EYS: variants seen among roughly 807,000 people sequenced by gnomAD.
EYS encodes the protein EGF-like photoreceptor maintenance factor.
Under a neutral mutation model 282.1 loss-of-function variants are expected in EYS, and 250 were observed. The ratio of observed to expected loss-of-function variants is 0.89; its 90% CI spans 0.80 to 0.98. The LOEUF (loss-of-function observed/expected upper bound fraction) is 0.98, where lower values mean the gene tolerates loss of function less well. Ranked by LOEUF, EYS falls within the 50% of genes least tolerant of loss-of-function variation. The pLI is 0.00. For missense variants in EYS, 4,016 were observed against 3,709.0 expected (o/e 1.08, Z -2.15); for synonymous variants, 1,355 against 1,282.9 (o/e 1.06, Z -1.20).
At chr6:64,399,675 C>A (rs923288319) in intron 28 of EYS, among the ~76,000 whole-genome samples, 1 of 151,826 alleles carries the variant, frequency 6.6e-6, no homozygotes, top group African/African-American at 2.4e-5. Context: ...TAAGCCAATT[C>A]CTTGAAATAA....
intron 31 of EYS, among the ~76,000 whole-genome samples, chr6:64,182,848 A>G (rs1310771674): frequency 1.3e-5 from 2 of 150,800 alleles, no homozygotes; most frequent in African/African-American, 4.9e-5. Flanking sequence ...CTTCCACCCT[A>G]CTCCTGTCTA....
At chr6:63,975,689 C>G (rs1012317364) in intron 35 of EYS, among the ~76,000 whole-genome samples, 3 of 151,930 alleles carry the variant, frequency 2.0e-5, no homozygotes, top group African/African-American at 7.2e-5. Context: ...GTCTGGTGTT[C>G]AGAAAAGATT....
intron 22 of EYS, among the ~76,000 whole-genome samples, chr6:64,762,578 T>C (rs1773193877): frequency 6.6e-6 from 1 of 152,210 alleles, no homozygotes; most frequent in Non-Finnish European, 1.5e-5. Context: ...TTCTGTTGTA[T>C]TTCTTGCTTT....
intron 12 of EYS, among the ~76,000 whole-genome samples, chr6:65,289,372 T>C (rs924038171): frequency 4.6e-5 from 7 of 151,184 alleles, no homozygotes; most frequent in Middle Eastern, 6.8e-3. Flanking sequence ...AAATGTTATA[T>C]AGTCAAATTT....
At chr6:64,828,890 A>G (rs1765135979) in intron 19 of EYS, among the ~76,000 whole-genome samples, 1 of 151,996 alleles carries the variant, frequency 6.6e-6, no homozygotes, top group South Asian at 2.1e-4. Context: ...GACTTGGTAT[A>G]TGGGTATAAA....
intron 30 of EYS, among the ~76,000 whole-genome samples, chr6:64,296,602 T>A (rs1200034512): frequency 3.5e-3 from 32 of 9,020 alleles, no homozygotes; most frequent in South Asian, 5.2e-3. Context: ...ATATATATTT[T>A]TTTTTTTTTT....
At chr6:65,540,166 C>A (rs1331203159) in intron 2 of EYS, among the ~76,000 whole-genome samples, 1 of 152,190 alleles carries the variant, frequency 6.6e-6, no homozygotes, top group African/African-American at 2.4e-5. Context: ...TGGAAGTTTT[C>A]TGTCCCCAGC....
intron 22 of EYS, among the ~76,000 whole-genome samples, chr6:64,632,153 A>C (rs1257142157): frequency 1.3e-5 from 2 of 152,106 alleles, no homozygotes; most frequent in Non-Finnish European, 2.9e-5. Flanking sequence ...AACTTCACTG[A>C]AGCCAAGATT....
chr6:64,014,389 A>T (rs1259056751), intron 33 of EYS, among the ~76,000 whole-genome samples: 2 of 152,026 alleles, frequency 1.3e-5, no homozygotes, highest in Non-Finnish European at 2.9e-5. Flanking sequence ...TTCTAATAAT[A>T]CTTCAGTTTC....
intron 34 of EYS, among the ~76,000 whole-genome samples, chr6:63,986,666 T>A (rs748792564): frequency 4.6e-5 from 7 of 151,724 alleles, no homozygotes; most frequent in Non-Finnish European, 1.0e-4. Flanking sequence ...CTCAGCAAAC[T>A]AATGAAGGAT....
intron 5 of EYS, among the ~76,000 whole-genome samples, chr6:65,474,653 A>G (rs1347590258): frequency 6.6e-6 from 1 of 152,166 alleles, no homozygotes; most frequent in Non-Finnish European, 1.5e-5. Context: ...CAGATTTGGG[A>G]GGAAGCAATC....
At chr6:64,205,996 A>T (rs1765599949) in intron 31 of EYS, among the ~76,000 whole-genome samples, 1 of 152,142 alleles carries the variant, frequency 6.6e-6, no homozygotes, top group South Asian at 2.1e-4. Context: ...TTATTTGTTC[A>T]GAAATTTTAG....
intron 31 of EYS, among the ~76,000 whole-genome samples, chr6:64,217,215 C>T (rs902979052): frequency 1.3e-5 from 2 of 152,060 alleles, no homozygotes; most frequent in Non-Finnish European, 2.9e-5. Flanking sequence ...AGGTATAAGT[C>T]AGTGTAAATA....
chr6:64,550,862 T>C (rs1400991857), intron 26 of EYS, among the ~76,000 whole-genome samples: 1 of 152,128 alleles, frequency 6.6e-6, no homozygotes, highest in Non-Finnish European at 1.5e-5. Context: ...CCATTCACAA[T>C]TGCTTCAAAG....
intron 28 of EYS, among the ~76,000 whole-genome samples, chr6:64,433,207 G>A (rs527305566): frequency 1.3e-4 from 20 of 152,032 alleles, no homozygotes; most frequent in African/African-American, 4.1e-4. Flanking sequence ...ATAAGGGTAC[G>A]TAAGGCAAGA....
intron 29 of EYS, among the ~76,000 whole-genome samples, chr6:64,344,033 A>G (rs895196910): frequency 6.6e-6 from 1 of 152,160 alleles, no homozygotes; most frequent in African/African-American, 2.4e-5. Flanking sequence ...GAATAGACCA[A>G]TAACAGGCTC....
intron 14 of EYS, among the ~76,000 whole-genome samples, chr6:64,952,442 G>A (rs955580073): frequency 7.2e-5 from 11 of 152,108 alleles, no homozygotes; most frequent in Middle Eastern, 3.4e-3. Flanking sequence ...AGTATAGGAC[G>A]TAGTGTAATA....
chr6:64,366,048 T>C (rs914287497), intron 29 of EYS, among the ~76,000 whole-genome samples: 2 of 152,104 alleles, frequency 1.3e-5, no homozygotes, highest in African/African-American at 4.8e-5. Context: ...ATTTGGTTAA[T>C]ATTTTAAGGT....
At chr6:64,690,314 A>G (rs1770332263) in intron 22 of EYS, among the ~76,000 whole-genome samples, 1 of 152,172 alleles carries the variant, frequency 6.6e-6, no homozygotes. Context: ...TGATCATTAA[A>G]AAGTCAGGAA....
Sources: gnomAD v4.1 joint callset for allele counts (sites outside exome capture counted in the v4.1 genomes callset) on GRCh38, gnomAD v4.1.1 for gene constraint, MANE v1.5 for transcripts, NCBI Gene and HGNC (gene_info 2026-07-23, HGNC 2026-07-21) for gene names.